Variants in ADGRG6 observed in about 807,000 individuals in gnomAD.
ADGRG6 encodes the protein G-protein coupled receptor 126.
Under a neutral mutation model 142.4 loss-of-function variants are expected in ADGRG6, and 84 were observed. The ratio of observed to expected loss-of-function variants is 0.59; its 90% CI spans 0.49 to 0.71. ADGRG6 has a LOEUF of 0.71. Ranked by LOEUF, ADGRG6 falls within the 30% of genes least tolerant of loss-of-function variation. ADGRG6 has a pLI of 0.00. For missense variants in ADGRG6, 1,367 were observed against 1,466.6 expected, an observed-to-expected ratio of 0.93 and a Z score of 1.11; for synonymous variants, 521 against 520.5, an observed-to-expected ratio of 1.00 and a Z score of -0.01.
At chr6:142,410,412 G>C (rs115917853) in intron 17 of ADGRG6, among the ~76,000 whole-genome samples, 2,530 of 152,150 alleles carry the variant, frequency 0.017, 78 homozygotes, top group African/African-American at 0.057. Flanking sequence ...AAGAGATGAA[G>C]AGCCTGCAGA....
At chr6:142,421,586 T>C (rs1462868513) in intron 22 of ADGRG6, among the ~76,000 whole-genome samples, 1 of 152,190 alleles carries the variant, frequency 6.6e-6, no homozygotes, top group African/African-American at 2.4e-5. Flanking sequence ...ATTTCAGGAT[T>C]GTATATAAAA....
intron 2 of ADGRG6, among the ~76,000 whole-genome samples, chr6:142,313,134 G>A (rs1415786474): frequency 2.6e-5 from 4 of 151,422 alleles, no homozygotes; most frequent in Non-Finnish European, 4.4e-5. Flanking sequence ...CAACGATCAG[G>A]TATTACTTTA....
At chr6:142,426,500 C>T (rs1776954589) in intron 22 of ADGRG6, among the ~76,000 whole-genome samples, 2 of 152,148 alleles carry the variant, frequency 1.3e-5, no homozygotes, top group Admixed American at 1.3e-4. Flanking sequence ...GTATAGCCTC[C>T]CTCACAGCTG....
At chr6:142,353,094 T>TA (rs1780268281) in intron 2 of ADGRG6, among the ~76,000 whole-genome samples, 1 of 152,192 alleles carries the variant, frequency 6.6e-6, no homozygotes. Context: ...ATCTTGGAGA[T>TA]ATACACTTGC....
intron 19 of ADGRG6, among the ~76,000 whole-genome samples, 158 bp from the exon 20 acceptor site, chr6:142,415,638 A>T (rs933505619): frequency 6.6e-6 from 1 of 152,196 alleles, no homozygotes; most frequent in African/African-American, 2.4e-5. Flanking sequence ...AATACTCATA[A>T]ATATCCTTAG....
At chr6:142,389,299 A>G (rs1464626757) in intron 6 of ADGRG6, among the ~76,000 whole-genome samples, 2 of 151,942 alleles carry the variant, frequency 1.3e-5, no homozygotes, top group African/African-American at 4.8e-5. Flanking sequence ...GTTTTCTTCA[A>G]CATTGCTATA....
intron 2 of ADGRG6, among the ~76,000 whole-genome samples, chr6:142,354,175 T>A (rs1243852664): frequency 6.6e-6 from 1 of 152,134 alleles, no homozygotes; most frequent in African/African-American, 2.4e-5. Context: ...CTCTTCTCAT[T>A]TTCTCCTATT....
At chr6:142,323,121 T>G (rs1582980228) in intron 2 of ADGRG6, among the ~76,000 whole-genome samples, 2 of 51,826 alleles carry the variant, frequency 3.9e-5, no homozygotes, top group Admixed American at 3.4e-4. Flanking sequence ...TGTCACTTAT[T>G]TTTTTTTTTT....
At chr6:142,436,549 G>C (rs1216890417) in intron 22 of ADGRG6, among the ~76,000 whole-genome samples, 1 of 152,054 alleles carries the variant, frequency 6.6e-6, no homozygotes, top group Admixed American at 6.6e-5. Flanking sequence ...ACCATTTCAA[G>C]AAGTTTTATT....
At chr6:142,324,707 C>T (rs1167331987) in intron 2 of ADGRG6, among the ~76,000 whole-genome samples, 1 of 152,072 alleles carries the variant, frequency 6.6e-6, no homozygotes, top group African/African-American at 2.4e-5. Flanking sequence ...CTCCAGTTTT[C>T]CTCCATCTGT....
At chr6:142,326,519 T>C (rs1277567887) in intron 2 of ADGRG6, among the ~76,000 whole-genome samples, 1 of 152,024 alleles carries the variant, frequency 6.6e-6, no homozygotes, top group Non-Finnish European at 1.5e-5. Context: ...TTGGCTTTTT[T>C]TTTTTTGGTT....
In ADGRG6 at chr6:142,367,985, A is replaced by T. The variant is rs530897758; in HGVS notation, c.445+75A>T. ...CTGCAGTAAACACAAGGACCAGAAG[A>T]CAGAGTTATGCTCTTTTATGTGAAT... On this transcript the variant is annotated intron_variant, in intron 3 of 24. Coordinates refer to ENST00000367609, the MANE Select transcript of ADGRG6 (RefSeq NM_198569.3). 3 of 786,702 alleles carry T rather than the reference A, an allele frequency of 3.8e-6. No individual in the cohort carries two copies. The East Asian group carries it at 7.4e-5, about 19-fold the overall frequency. 48.7% of individuals were successfully genotyped at this position (786,702 alleles called of 1,614,324 possible).
At chr6:142,427,478 G>A (rs1206237169) in intron 22 of ADGRG6, among the ~76,000 whole-genome samples, 1 of 152,080 alleles carries the variant, frequency 6.6e-6, no homozygotes, top group African/African-American at 2.4e-5. Flanking sequence ...AAGCCATTAA[G>A]TAAGTCTCTA....
At chr6:142,310,167 G>T (rs1302837930) in intron 2 of ADGRG6, among the ~76,000 whole-genome samples, 1 of 151,530 alleles carries the variant, frequency 6.6e-6, no homozygotes, top group East Asian at 1.9e-4. Flanking sequence ...AGCATTTTTG[G>T]AATTAAAGTA....
At chr6:142,425,024 T>C (rs569043643) in intron 22 of ADGRG6, among the ~76,000 whole-genome samples, 12 of 152,182 alleles carry the variant, frequency 7.9e-5, no homozygotes, top group Non-Finnish European at 1.6e-4. Context: ...TTACAGTGTA[T>C]ATTCAAGGTA....
chr6:142,335,259 GT>G (rs942129863), intron 2 of ADGRG6, among the ~76,000 whole-genome samples: 1 of 152,056 alleles, frequency 6.6e-6, no homozygotes, highest in Non-Finnish European at 1.5e-5. Context: ...TGGTTTTGTT[GT>G]TTTTGAAATA....
intron 2 of ADGRG6, among the ~76,000 whole-genome samples, chr6:142,351,506 GA>G (rs1298937114): frequency 6.6e-6 from 1 of 152,168 alleles, no homozygotes; most frequent in Non-Finnish European, 1.5e-5. Flanking sequence ...GCCATATGCA[GA>G]AGATTGAAAC....
intron 2 of ADGRG6, among the ~76,000 whole-genome samples, chr6:142,358,090 G>T (rs1316386725): frequency 6.6e-6 from 1 of 152,166 alleles, no homozygotes; most frequent in Non-Finnish European, 1.5e-5. Flanking sequence ...GCCTTCATGG[G>T]TATTAGAACT....
intron 22 of ADGRG6, among the ~76,000 whole-genome samples, chr6:142,432,239 C>T (rs1281037218): frequency 2.0e-5 from 3 of 152,144 alleles, no homozygotes; most frequent in African/African-American, 7.2e-5. Flanking sequence ...GCCTGCCACA[C>T]TGCCCACTAC....
Sources: gnomAD v4.1 joint callset for allele counts (sites outside exome capture counted in the v4.1 genomes callset) on GRCh38, gnomAD v4.1.1 for gene constraint, MANE v1.5 for transcripts, NCBI Gene and HGNC (gene_info 2026-07-23, HGNC 2026-07-21) for gene names.